COL2A1: variants seen among roughly 807,000 people sequenced by gnomAD.
COL2A1 encodes collagen type II alpha 1 chain, also known as collagen alpha-1(II) chain.
COL2A1 carries 28 observed loss-of-function variants against 204.5 expected under a neutral mutation model. That is an observed-to-expected ratio of 0.14 (90% CI 0.10 to 0.19). The LOEUF (loss-of-function observed/expected upper bound fraction) is 0.19, where lower values mean the gene tolerates loss of function less well. Among genes scored for constraint, COL2A1 ranks in the 10% least tolerant of loss-of-function variants. The pLI is 1.00. For synonymous variants in COL2A1, 708 were observed against 718.7 expected (o/e 0.99, Z 0.24); for missense variants, 1,388 against 2,027.5 (o/e 0.68, Z 6.06).
At chr12:47,982,453 A>G (rs762134259) in intron 34 of COL2A1, 49 bp downstream of exon 34, 1 of 1,470,166 alleles carries the variant, frequency 6.8e-7, no homozygotes, top group South Asian at 1.1e-5. Flanking sequence ...AGGGGCAGGA[A>G]TGTGGCAAAG....
rs527755306 is a variant in COL2A1 at position 47,981,238 on chromosome 12, CAG to C, written c.2463+103_2463+104del. 93 of 1,281,456 alleles carry C rather than the reference CAG, an allele frequency of 7.3e-5. No homozygotes were observed. In the South Asian group the frequency reaches 8.8e-4, roughly 12 times the overall value. 79.4% of individuals were successfully genotyped at this position (1,281,456 alleles called of 1,614,324 possible). The stretch of plus-strand genomic sequence containing the variant: ...GGGTAGGGAGGGAGCCAGTGCCTGG[CAG>C]CACACAGGGCCACCAGGCAGCATGA... On this transcript the variant is annotated intron_variant, in intron 37 of 53. Coordinates refer to ENST00000380518, the MANE Select transcript of COL2A1 (RefSeq NM_001844.5).
At chr12:47,998,776 C>A (rs569130177) in intron 2 of COL2A1, 3 of 288,498 alleles carry the variant, frequency 1.0e-5, no homozygotes, top group East Asian at 7.1e-5. Context: ...CTCTTCCCCC[C>A]ACAGGGTAGG....
rs753142339 is a variant in COL2A1 at position 48,000,130 on chromosome 12, A to T, written c.86-5T>A. ...GCACACAGCTGCCAGCCTCCTCTGC[A>T]CCAAGGGTGGGGAGGGAGAAGCAGA... On this transcript the variant is annotated splice_polypyrimidine_tract_variant and splice_region_variant and intron_variant, in intron 1 of 53. Transcript: ENST00000380518. 9.9e-6 allele frequency: 16 copies of T among 1,610,238 alleles called. No homozygotes were observed. The highest frequency in any genetic ancestry group is 1.4e-5 in the Non-Finnish European group (16 of 1,178,064).
At chr12:47,995,115 C>CG in intron 11 of COL2A1, 140 bp downstream of exon 11, 1 of 735,232 alleles carries the variant, frequency 1.4e-6, no homozygotes, top group South Asian at 1.5e-5. Flanking sequence ...TAGGAGATGG[C>CG]GTCAGGGTTT....
At position 47,995,328 on chromosome 12, in the gene COL2A1, G is replaced by A. The variant is rs535509546; in HGVS notation, c.709-20C>T. On this transcript the variant is annotated intron_variant, in intron 10 of 53. Transcript: ENST00000380518. ...GGGACCCTACAAACAAAGGAAGATA[G>A]TTTAAGAGATGGTTATAGTGGGAAG... The A allele has an allele frequency of 1.8e-4, 296 of 1,607,462 alleles. 1 individual carries two copies. The South Asian group carries it at 3.1e-3, about 17-fold the overall frequency.
rs551400443 is a variant in COL2A1, at chr12:47,975,446, C to T, written c.3757G>A (p.Ala1253Thr). Residue 1253 changes from alanine to threonine, a missense_variant, in exon 51 of 54, where the codon GCC becomes ACC. Ala to Thr is a moderately conservative substitution (Grantham distance 58). This residue lies in a region of COL2A1 where 303 missense variants were observed against 369.2 expected (regional missense o/e 0.82). Coordinates refer to ENST00000380518, the MANE Select transcript of COL2A1 (RefSeq NM_001844.5). The stretch of plus-strand genomic sequence containing the variant: ...GACTTGAGTGTGGCATCCACCTCGG[C>T]GTCATGCTGTCTCAGGCCACCGGCT... ...QAAGGLRQHD[A>T]EVDATLKSLN... The T allele has an allele frequency of 7.4e-6, 12 of 1,614,144 alleles. No individual in the cohort carries two copies. In the East Asian group the frequency reaches 1.3e-4, roughly 18 times the overall value.
At chr12:48,004,120 C>T (rs1389656428) in intron 1 of COL2A1, 117 bp downstream of exon 1, 21 of 765,002 alleles carry the variant, frequency 2.7e-5, no homozygotes, top group Non-Finnish European at 2.3e-6. Flanking sequence ...CGCGCTACGA[C>T]CCCGGGAGCC....
chr12:47,985,409 C>A (rs553529596), intron 26 of COL2A1, 125 bp downstream of exon 26: 1 of 1,027,880 alleles, frequency 9.7e-7, no homozygotes, highest in East Asian at 2.4e-5. Flanking sequence ...CCATCTACCC[C>A]CTGTCACAAT....
chr12:47,973,207 AC>A lies in COL2A1; in HGVS notation c.*199del. 4.4e-6 allele frequency: 3 copies of A among 684,830 alleles called. No individual in the cohort carries two copies. The South Asian group carries it at 5.0e-5, about 11-fold the overall frequency. 42.4% of individuals were successfully genotyped at this position (684,830 alleles called of 1,614,324 possible). A position where few individuals can be genotyped will look rare whatever the true frequency, so the allele number is the denominator to read the frequency against. ...CAGGAAGACAATAAATAAATAGAAC[AC>A]CGAGATTTTATTTTGCAGTCTGCCC... On this transcript the variant is annotated 3_prime_UTR_variant, in exon 54 of 54. Transcript: ENST00000380518.
chr12:47,988,521 T>TC (rs962160090), intron 18 of COL2A1: 9 of 155,914 alleles, frequency 5.8e-5, no homozygotes, highest in African/African-American at 2.2e-4. Context: ...CCCCTCACCT[T>TC]CCGCTGTCCC....
chr12:47,977,380 C>A lies in COL2A1; in HGVS notation c.3213G>T (p.Gly1071=). The A allele has an allele frequency of 6.2e-7, 1 of 1,613,408 alleles. No individual in the cohort carries two copies. The highest frequency in any genetic ancestry group is 8.5e-7 in the Non-Finnish European group (1 of 1,179,606). ...TGAVGAPGAP[G]PPGSPGPAGP... ...CAGCGGGGCCAGGGGAGCCAGGGGG[C>A]CCAGGGGCTCCAGGAGCTCCCACAG... Residue 1071 remains glycine (G), a synonymous_variant, in exon 46 of 54, where the codon GGG becomes GGT. Transcript: ENST00000380518.
intron 12 of COL2A1, 95 bp from the exon 13 acceptor site, chr12:47,994,142 C>CT: frequency 7.1e-7 from 1 of 1,407,500 alleles, no homozygotes; most frequent in Non-Finnish European, 1.0e-6. Flanking sequence ...CCTTGGGCCA[C>CT]CAGGGCGTTG....
At position 47,985,090 on chromosome 12, in the gene COL2A1, C is replaced by G; in HGVS notation, c.1738G>C (p.Ala580Pro). ...GPQGKVGPSG[A>P]PGEDGRPGPP... is the part of the protein sequence containing the mutation. ...CCAGGACGACCATCTTCACCAGGGG[C>G]TCCCTGAAAGACAGAACACCATTCT... The change falls in exon 27 of 54, where the codon GCC (alanine) becomes CCC (proline). Residue 580 changes from alanine (A) to proline (P), a missense_variant. By Grantham distance (27) the Ala-to-Pro change is conservative. Around this residue, in one of 3 missense-constraint regions of COL2A1, gnomAD observed 884 missense variants for 1,415.8 expected, o/e 0.62. Coordinates refer to ENST00000380518, the MANE Select transcript of COL2A1 (RefSeq NM_001844.5). 1 of 1,612,336 alleles carries G rather than the reference C, an allele frequency of 6.2e-7. No homozygotes were observed. The highest frequency in any genetic ancestry group is 8.5e-7 in the Non-Finnish European group (1 of 1,179,002).
chr12:47,991,371 A>T (rs1939696196), intron 16 of COL2A1, among the ~76,000 whole-genome samples: 1 of 152,198 alleles, frequency 6.6e-6, no homozygotes, highest in African/African-American at 2.4e-5. Context: ...AACCCAGCCC[A>T]GTCTCCAGGC....
rs765992233 is a variant in COL2A1, at chr12:47,978,279, C to A, written c.3003+12G>T. ...CCCAGCTTGGATGGAGGGAGGGATACCCCACACTCACCGACGGGCCAGGCA... is the reference window on the plus strand; with the variant it reads ...CCCAGCTTGGATGGAGGGAGGGATAACCCACACTCACCGACGGGCCAGGCA... On this transcript the variant is annotated intron_variant, in intron 43 of 53. Transcript: ENST00000380518. This position sits in a 1 kb window ranked among gnomAD's most constrained non-coding sequence, Gnocchi z 5.5. 1 of 1,613,134 alleles carries A rather than the reference C, an allele frequency of 6.2e-7. No individual in the cohort carries two copies. Among genetic ancestry groups the A allele is most frequent in the African/African-American group, 1.3e-5 (1 of 75,024 alleles).
chr12:47,984,678 G>T, intron 27 of COL2A1, 79 bp from the exon 28 acceptor site: 1 of 1,320,028 alleles, frequency 7.6e-7, no homozygotes, highest in Non-Finnish European at 1.1e-6. Context: ...CAGGGACTGA[G>T]GCCTGGGGCC....
chr12:47,988,310 A>G (rs1939536574), intron 18 of COL2A1: 1 of 155,702 alleles, frequency 6.4e-6, no homozygotes, highest in African/African-American at 2.4e-5. Context: ...AATTCCCCTT[A>G]GCGGGCGCCT....
At chr12:47,979,104 C>T (rs1280449339) in intron 41 of COL2A1, among the ~76,000 whole-genome samples, 3 of 152,168 alleles carry the variant, frequency 2.0e-5, no homozygotes, top group South Asian at 2.1e-4. Context: ...CCCCAGCACT[C>T]TCTCCCTCTG....
intron 30 of COL2A1, 82 bp from the exon 31 acceptor site, chr12:47,983,520 C>T: frequency 6.6e-7 from 1 of 1,507,036 alleles, no homozygotes; most frequent in Non-Finnish European, 9.2e-7. Context: ...AGGGCAGACC[C>T]AAAGAAAGGA....
Sources: gnomAD v4.1 joint callset for allele counts (sites outside exome capture counted in the v4.1 genomes callset) on GRCh38, gnomAD v4.1.1 for gene constraint, gnomAD v4.1.1 regional missense constraint, Gnocchi (gnomAD v3.1) non-coding constraint, MANE v1.5 for transcripts, NCBI Gene and HGNC (gene_info 2026-07-23, HGNC 2026-07-21) for gene names.